LRFN5: variants seen among roughly 807,000 people sequenced by gnomAD.
LRFN5 encodes leucine-rich repeat and fibronectin type-III domain-containing protein 5.
LRFN5 carries 24 observed loss-of-function variants against 45.6 expected under a neutral mutation model. That is an observed-to-expected ratio of 0.53 (90% CI 0.38 to 0.74). LRFN5 has a LOEUF of 0.74. LRFN5 is among the 30% of genes least tolerant of loss of function. LRFN5 has a pLI of 0.00. For missense variants in LRFN5, 776 were observed against 861.5 expected (o/e 0.90, Z 1.24); for synonymous variants, 340 against 313.8 (o/e 1.08, Z -0.88).
At chr14:41,796,504 G>A (rs1887136027) in intron 2 of LRFN5, among the ~76,000 whole-genome samples, 1 of 151,640 alleles carries the variant, frequency 6.6e-6, no homozygotes, top group Non-Finnish European at 1.5e-5. Context: ...AAAAAGCCTG[G>A]GTAATGTTTT....
At chr14:41,689,637 G>GT in intron 1 of LRFN5, among the ~76,000 whole-genome samples, 2 of 152,132 alleles carry the variant, frequency 1.3e-5, no homozygotes, top group Non-Finnish European at 2.9e-5. Context: ...GCTCACGCTT[G>GT]TAATCCCAGC....
chr14:41,697,461 A>G (rs896895973), intron 1 of LRFN5, among the ~76,000 whole-genome samples: 3 of 151,878 alleles, frequency 2.0e-5, no homozygotes, highest in South Asian at 2.1e-4. Flanking sequence ...ATATGCCATC[A>G]TAATCATGGA....
chr14:41,757,568 A>G (rs944770752), intron 1 of LRFN5, among the ~76,000 whole-genome samples: 1 of 152,220 alleles, frequency 6.6e-6, no homozygotes, highest in Admixed American at 6.5e-5. Context: ...GGTGTGGGAT[A>G]TAATCTTCTG....
intron 1 of LRFN5, among the ~76,000 whole-genome samples, chr14:41,640,335 A>G (rs1190359003): frequency 6.6e-6 from 1 of 152,082 alleles, no homozygotes; most frequent in Non-Finnish European, 1.5e-5. Flanking sequence ...GGGATAAGTT[A>G]TTGCTAGAAA....
At position 41,891,517 on chromosome 14, in the gene LRFN5, G is replaced by C; in HGVS notation, c.1653G>C (p.Arg551=). ...TATTCATCATTATTCTGATGATCCG[G>C]TATAAGGTTTGCAACAATAATGGGC... ...VLVFIIILMI[R]YKVCNNNGQH... Residue 551 remains arginine, a synonymous_variant, in exon 4 of 6, where the codon CGG becomes CGC. Coordinates refer to ENST00000298119, the MANE Select transcript of LRFN5 (RefSeq NM_152447.5). The C allele has an allele frequency of 1.9e-6, 3 of 1,614,106 alleles. No homozygotes were observed. Among genetic ancestry groups the C allele is most frequent in the Non-Finnish European group, 8.5e-7 (1 of 1,180,010 alleles).
intron 2 of LRFN5, among the ~76,000 whole-genome samples, chr14:41,848,480 T>A (rs1352765623): frequency 8.2e-6 from 1 of 122,106 alleles, no homozygotes; most frequent in Non-Finnish European, 1.7e-5. Context: ...AAGACATAAA[T>A]CTCTTCTGCA....
chr14:41,640,152 A>G (rs1006753906), intron 1 of LRFN5, among the ~76,000 whole-genome samples: 1 of 151,812 alleles, frequency 6.6e-6, no homozygotes, highest in African/African-American at 2.4e-5. Context: ...AAGTAAACTT[A>G]GGTGATGAAA....
intron 1 of LRFN5, among the ~76,000 whole-genome samples, chr14:41,659,017 T>G (rs1880506573): frequency 6.6e-6 from 1 of 152,008 alleles, no homozygotes; most frequent in Admixed American, 6.6e-5. Context: ...CTTTTGGCTC[T>G]ATTACAACCA....
rs564137059 is a variant in LRFN5 at position 41,844,302 on chromosome 14, T to C, written c.-20-42304T>C. 2.3e-3 allele frequency among the ~76,000 whole-genome samples: 347 copies of C among 151,874 alleles called. 2 individuals carry two copies. Among genetic ancestry groups the C allele is most frequent in the African/African-American group, 8.1e-3 (335 of 41,398 alleles). ...AATACAAAAAATTAGCCAGGCGTGG[T>C]GGTGGGCACCTGTAGTCCCAGCTAC... is the stretch of plus-strand genomic sequence containing the variant. On this transcript the variant is annotated intron_variant, in intron 2 of 5. Transcript: ENST00000298119.
At chr14:41,690,276 G>A (rs1198346387) in intron 1 of LRFN5, among the ~76,000 whole-genome samples, 2 of 152,142 alleles carry the variant, frequency 1.3e-5, no homozygotes, top group Non-Finnish European at 2.9e-5. Flanking sequence ...TTGGCCAGGT[G>A]CAGTGGCTCA....
At position 41,790,481 on chromosome 14, in the gene LRFN5, T is replaced by A. The variant is rs182484402; in HGVS notation, c.-21+23452T>A. Among the ~76,000 whole-genome samples, 633 of 151,918 alleles carry A rather than the reference T, an allele frequency of 4.2e-3. 7 individuals are homozygous for A. Among genetic ancestry groups the A allele is most frequent in the African/African-American group, 0.014 (584 of 41,538 alleles). On this transcript the variant is annotated intron_variant, in intron 2 of 5. Coordinates refer to ENST00000298119, the MANE Select transcript of LRFN5 (RefSeq NM_152447.5). The stretch of plus-strand genomic sequence containing the variant: ...TTTCCTTCCCGTTACTCCCATAATT[T>A]ATTTTAATATGTTTTTTTCCTAACT...
chr14:41,704,438 C>G (rs77957898), intron 1 of LRFN5, among the ~76,000 whole-genome samples: 44,992 of 111,204 alleles, frequency 0.4, 8,677 homozygotes, highest in East Asian at 0.62. Context: ...CTCTCTCTCT[C>G]TCTCTCTCTC....
At chr14:41,843,372 A>T (rs1180915661) in intron 2 of LRFN5, among the ~76,000 whole-genome samples, 1 of 152,028 alleles carries the variant, frequency 6.6e-6, no homozygotes, top group Non-Finnish European at 1.5e-5. Context: ...GGGATTTCAT[A>T]CGTGAGAAAA....
intron 2 of LRFN5, among the ~76,000 whole-genome samples, chr14:41,866,071 T>A (rs1041589956): frequency 1.3e-5 from 2 of 152,180 alleles, no homozygotes. Context: ...TGACCAATTT[T>A]GCTTCATTTA....
At chr14:41,738,663 T>G (rs968616332) in intron 1 of LRFN5, among the ~76,000 whole-genome samples, 4 of 152,232 alleles carry the variant, frequency 2.6e-5, no homozygotes, top group African/African-American at 9.6e-5. Context: ...GATCCCGTTT[T>G]ATACATTAAG....
intron 2 of LRFN5, among the ~76,000 whole-genome samples, chr14:41,856,675 A>ATTATTTTT: frequency 1.4e-3 from 25 of 18,322 alleles, no homozygotes; most frequent in East Asian, 4.0e-3. Flanking sequence ...TATTATTATT[A>ATTATTTTT]TTTTTTTTTT....
intron 1 of LRFN5, among the ~76,000 whole-genome samples, chr14:41,712,105 CG>C (rs1421110173): frequency 6.6e-6 from 1 of 152,020 alleles, no homozygotes; most frequent in African/African-American, 2.4e-5. Context: ...GAGGTAATAT[CG>C]GGGAATATGC....
intron 2 of LRFN5, among the ~76,000 whole-genome samples, chr14:41,775,093 C>CTTTTTTTTTTTTTTTTTTTTT (rs59438733): frequency 5.2e-4 from 58 of 112,478 alleles, no homozygotes; most frequent in East Asian, 2.4e-3. Context: ...TTTTCTTTTT[C>CTTTTTTTTTTTTTTTTTTTTT]TTTTTTTTTT....
At chr14:41,847,641 C>A (rs760227290) in intron 2 of LRFN5, among the ~76,000 whole-genome samples, 1 of 151,612 alleles carries the variant, frequency 6.6e-6, no homozygotes, top group East Asian at 1.9e-4. Flanking sequence ...CCCTTCTTTC[C>A]GATGAGAAAA....
Sources: gnomAD v4.1 joint callset for allele counts (sites outside exome capture counted in the v4.1 genomes callset) on GRCh38, gnomAD v4.1.1 for gene constraint, MANE v1.5 for transcripts, NCBI Gene and HGNC (gene_info 2026-07-23, HGNC 2026-07-21) for gene names.